The following BRD4 variants were observed in gnomAD, a reference collection of about 807,000 sequenced individuals.
BRD4 encodes the protein bromodomain-containing protein 4.
In BRD4, 16 loss-of-function variants were observed where a neutral mutation model predicts 142.1. That is an observed-to-expected ratio of 0.11 (90% CI 0.08 to 0.17). BRD4 has a LOEUF of 0.17. Ranked by LOEUF, BRD4 falls within the 10% of genes least tolerant of loss-of-function variation. BRD4 has a pLI of 1.00. For synonymous variants in BRD4, 833 were observed against 707.5 expected (o/e 1.18, Z -2.82); for missense variants, 1,424 against 1,810.9 (o/e 0.79, Z 3.88).
intron 1 of BRD4, chr19:15,280,290 G>A (rs1017852414): frequency 1.3e-5 from 13 of 1,009,766 alleles, no homozygotes; most frequent in African/African-American, 8.6e-5. Context: ...ACCCACAAGG[G>A]GCAGAGGCCC....
chr19:15,240,159 C>T, intron 14 of BRD4, 137 bp from the exon 15 acceptor site: 2 of 1,342,320 alleles, frequency 1.5e-6, no homozygotes, highest in Non-Finnish European at 2.0e-6. Flanking sequence ...GGTCCATTAG[C>T]CCAGCTCAAA....
intron 1 of BRD4, among the ~76,000 whole-genome samples, chr19:15,313,580 G>A (rs1246690831): frequency 6.6e-6 from 1 of 151,604 alleles, no homozygotes; most frequent in African/African-American, 2.4e-5. Context: ...GGAGGCTGAG[G>A]CAGGAGAATT....
chr19:15,277,473 G>A (rs561771386), intron 1 of BRD4, among the ~76,000 whole-genome samples: 1 of 152,108 alleles, frequency 6.6e-6, no homozygotes, highest in Non-Finnish European at 1.5e-5. Flanking sequence ...CACTTGATCA[G>A]CAAGTTGCTG....
chr19:15,330,501 C>A (rs1198861652), intron 1 of BRD4, among the ~76,000 whole-genome samples: 2 of 152,162 alleles, frequency 1.3e-5, no homozygotes, highest in East Asian at 3.8e-4. Context: ...AACGGTGGCT[C>A]ATGCCTGTAA....
chr19:15,314,605 C>A (rs191516080), intron 1 of BRD4, among the ~76,000 whole-genome samples: 1 of 152,130 alleles, frequency 6.6e-6, no homozygotes, highest in Admixed American at 6.6e-5. Context: ...CACATCCAAC[C>A]GCTTCAATGA....
intron 1 of BRD4, among the ~76,000 whole-genome samples, chr19:15,291,667 A>G (rs1032231957): frequency 6.6e-6 from 1 of 152,038 alleles, no homozygotes; most frequent in African/African-American, 2.4e-5. Context: ...ATATATAACT[A>G]TTTTGAACAC....
In BRD4 at chr19:15,265,663, G is replaced by T; in HGVS notation, c.560-20C>A. 6.2e-7 allele frequency: 1 copy of T among 1,613,818 alleles called. No homozygotes were observed. Among genetic ancestry groups the T allele is most frequent in the Non-Finnish European group, 8.5e-7 (1 of 1,179,822 alleles). ...CTGTCCCTACAAATCATAATAAGAC[G>T]GCGAGTTAGAGACCATGCTGACATC... On this transcript the variant is annotated intron_variant, in intron 4 of 19. Coordinates refer to ENST00000679869, the MANE Select transcript of BRD4 (RefSeq NM_001379291.1).
In BRD4 at chr19:15,238,707, C is replaced by T. The variant is rs756966449; in HGVS notation, c.4020+36G>A. On this transcript the variant is annotated intron_variant, in intron 19 of 19. Coordinates refer to ENST00000679869, the MANE Select transcript of BRD4 (RefSeq NM_001379291.1). This position sits in a 1 kb window ranked among gnomAD's most constrained non-coding sequence, Gnocchi z 7.2. ...TTCCCAGCTCCCTCAGGAGCTAATC[C>T]TTAGACCAGGGTCCCCACCAGGCCT... 2.0e-6 allele frequency: 3 copies of T among 1,476,750 alleles called. No individual in the cohort carries two copies. The highest frequency in any genetic ancestry group is 2.7e-6 in the Non-Finnish European group (3 of 1,112,934). 91.5% of individuals were successfully genotyped at this position (1,476,750 alleles called of 1,614,324 possible).
At chr19:15,255,180 T>G in intron 10 of BRD4, 117 bp downstream of exon 10, 1 of 1,030,658 alleles carries the variant, frequency 9.7e-7, no homozygotes, top group Non-Finnish European at 1.4e-6. Context: ...AACACAGATA[T>G]TATAATTGGA....
rs547162799 is a variant in BRD4, at chr19:15,238,205, A to G, written c.*172T>C. On this transcript the variant is annotated 3_prime_UTR_variant, in exon 20 of 20. Transcript: ENST00000679869. The surrounding 1 kb of genome is among the most constrained non-coding windows in gnomAD (Gnocchi z 7.2). ...GTCTGTCCGACTGGCCGTAAGGCAG[A>G]CAGGCTCTGCAATCCTCAGCTGCCC... is the stretch of plus-strand genomic sequence containing the variant. The G allele has an allele frequency of 2.1e-5, 23 of 1,070,590 alleles. No individual in the cohort carries two copies. Among genetic ancestry groups the G allele is most frequent in the Middle Eastern group, 2.4e-4 (1 of 4,122 alleles). 66.3% of individuals were successfully genotyped at this position (1,070,590 alleles called of 1,614,324 possible).
At chr19:15,275,426 T>TA (rs760524165) in intron 1 of BRD4, among the ~76,000 whole-genome samples, 2 of 152,138 alleles carry the variant, frequency 1.3e-5, no homozygotes, top group Non-Finnish European at 2.9e-5. Flanking sequence ...TCTAAGCAGA[T>TA]AGAGTGGCCC....
At chr19:15,255,214 A>ACC (rs1312068121) in intron 10 of BRD4, 83 bp downstream of exon 10, 3 of 1,347,978 alleles carry the variant, frequency 2.2e-6, no homozygotes, top group Non-Finnish European at 3.0e-6. Flanking sequence ...GGGGGCGCAG[A>ACC]AAGAGTGGAC....
At chr19:15,293,173 C>T (rs1983172832) in intron 1 of BRD4, among the ~76,000 whole-genome samples, 1 of 152,124 alleles carries the variant, frequency 6.6e-6, no homozygotes, top group African/African-American at 2.4e-5. Context: ...TTAGCTGAAC[C>T]TCAGGTGCCA....
Position 15,249,395 on chromosome 19 carries a change from T to C in BRD4, c.2159-4633A>G, listed in dbSNP as rs2145539842. ...CAGACTGAGCCAACCTCCTGCGCCC[T>C]GGTGGCTGATGGGCACAAGAACGGC... On this transcript the variant is annotated intron_variant, in intron 11 of 19. Transcript: ENST00000679869. The C allele has an allele frequency of 1.9e-6, 3 of 1,578,616 alleles. No individual in the cohort carries two copies. In the South Asian group the frequency reaches 3.4e-5, roughly 18 times the overall value.
intron 1 of BRD4, among the ~76,000 whole-genome samples, chr19:15,298,312 T>C (rs1003155304): frequency 1.3e-5 from 2 of 152,174 alleles, no homozygotes; most frequent in East Asian, 1.9e-4. Context: ...TCAAGAAAAA[T>C]GCAAAATGCT....
At chr19:15,294,334 C>A (rs2047806828) in intron 1 of BRD4, among the ~76,000 whole-genome samples, 2 of 152,240 alleles carry the variant, frequency 1.3e-5, no homozygotes, top group African/African-American at 2.4e-5. Context: ...ATCTGGACGA[C>A]AGGCACCCAG....
chr19:15,272,788 A>G, intron 2 of BRD4, 27 bp downstream of exon 2: 1 of 1,600,134 alleles, frequency 6.2e-7, no homozygotes, highest in Non-Finnish European at 8.5e-7. Context: ...CAGGACGGCC[A>G]CCCTGGGCCC....
chr19:15,244,729 G>A lies in BRD4; in HGVS notation c.2192C>T (p.Pro731Leu), dbSNP rs149185763. The change falls in exon 12 of 20, where the codon CCC (proline) becomes CTC (leucine). Residue 731 changes from proline (P) to leucine (L), a missense_variant. Transcript: ENST00000679869. Reference protein sequence around the residue: ...MAPKSKKKGHPGREQKKHHHH... With the variant: ...MAPKSKKKGHLGREQKKHHHH... ...ATGTACCTTCTTCTGCTCCCTCCCG[G>A]GGTGCCCCTTCTTTTTTGACTTCGG... is the stretch of plus-strand genomic sequence containing the variant. 381 of 1,614,130 alleles carry A rather than the reference G, an allele frequency of 2.4e-4. 1 individual carries two copies. In the African/African-American group the frequency reaches 4.0e-3, roughly 17 times the overall value.
intron 14 of BRD4, 84 bp downstream of exon 14, chr19:15,242,816 T>G: frequency 2.0e-6 from 3 of 1,537,018 alleles, no homozygotes; most frequent in Non-Finnish European, 2.6e-6. Context: ...GCCTGAAGCA[T>G]GAGTTAACCC....
Sources: allele counts gnomAD v4.1 joint callset (sites outside exome capture counted in the v4.1 genomes callset), GRCh38; gene constraint gnomAD v4.1.1; non-coding constraint Gnocchi (gnomAD v3.1); transcripts MANE v1.5; gene names NCBI Gene and HGNC (gene_info 2026-07-23, HGNC 2026-07-21).